Variants in CNTN4 observed in about 807,000 individuals in gnomAD.
The protein encoded by CNTN4 is contactin 4, also known as contactin-4.
In CNTN4, 77 loss-of-function variants were observed where a neutral mutation model predicts 122.5. The observed-to-expected ratio is 0.63, with a 90% CI of 0.52 to 0.76. The LOEUF (loss-of-function observed/expected upper bound fraction) is 0.76. CNTN4 is among the 30% of genes least tolerant of loss of function. CNTN4 has a pLI of 0.00. For missense variants in CNTN4, 1,256 were observed against 1,259.1 expected, an observed-to-expected ratio of 1.00 and a Z score of 0.04; for synonymous variants, 512 against 447.0, an observed-to-expected ratio of 1.15 and a Z score of -1.83.
intron 13 of CNTN4, among the ~76,000 whole-genome samples, chr3:2,984,419 G>A (rs948375962): frequency 1.3e-5 from 2 of 152,184 alleles, no homozygotes; most frequent in Non-Finnish European, 2.9e-5. Context: ...CATGACGTGG[G>A]GAAGGGTTAG....
At chr3:2,570,176 AT>A (rs934621361) in intron 3 of CNTN4, among the ~76,000 whole-genome samples, 24 of 148,324 alleles carry the variant, frequency 1.6e-4, no homozygotes, top group East Asian at 3.9e-4. Flanking sequence ...ACAGTGTTTA[AT>A]TTTTTTTTTT....
intron 14 of CNTN4, among the ~76,000 whole-genome samples, chr3:3,018,701 T>C (rs894480349): frequency 1.3e-5 from 2 of 152,180 alleles, no homozygotes; most frequent in African/African-American, 4.8e-5. Flanking sequence ...TATACACACA[T>C]AGATATTTCC....
At chr3:2,429,248 A>G (rs975245138) in intron 3 of CNTN4, among the ~76,000 whole-genome samples, 1 of 152,216 alleles carries the variant, frequency 6.6e-6, no homozygotes, top group Non-Finnish European at 1.5e-5. Flanking sequence ...GGTGACCTAC[A>G]GATGGGATTT....
chr3:2,622,523 C>T (rs1035725628), intron 4 of CNTN4, among the ~76,000 whole-genome samples: 3 of 152,028 alleles, frequency 2.0e-5, no homozygotes, highest in Admixed American at 2.0e-4. Context: ...CTCAGCCCAC[C>T]TCGGCCTCCC....
At chr3:2,735,039 C>T (rs188604941) in intron 4 of CNTN4, among the ~76,000 whole-genome samples, 2 of 152,182 alleles carry the variant, frequency 1.3e-5, no homozygotes, top group African/African-American at 4.8e-5. Flanking sequence ...GTTATATATA[C>T]CACTGTACTT....
At chr3:2,254,883 A>C (rs539181462) in intron 2 of CNTN4, among the ~76,000 whole-genome samples, 1 of 152,120 alleles carries the variant, frequency 6.6e-6, no homozygotes, top group Non-Finnish European at 1.5e-5. Flanking sequence ...GAAGCTCTTT[A>C]GTTTAATTAG....
chr3:2,192,670 T>C (rs1302364476), intron 2 of CNTN4, among the ~76,000 whole-genome samples: 2 of 152,134 alleles, frequency 1.3e-5, no homozygotes, highest in Admixed American at 6.6e-5. Flanking sequence ...TATGCAAAAT[T>C]CTACTTCTTG....
rs1056224622 is a variant in CNTN4, at chr3:2,885,080, A to G, written c.755+1833A>G. ...GAACTTAAATTCTTCTAAAACAAATATAGTAGAGTTGATGGCTTTAATGTT... is the reference window on the plus strand; with the variant it reads ...GAACTTAAATTCTTCTAAAACAAATGTAGTAGAGTTGATGGCTTTAATGTT... On this transcript the variant is annotated intron_variant, in intron 9 of 24. Coordinates refer to ENST00000418658, the MANE Select transcript of CNTN4 (RefSeq NM_175607.3). 1.6e-4 allele frequency among the ~76,000 whole-genome samples: 24 copies of G among 152,344 alleles called. 1 individual carries two copies. The East Asian group carries it at 4.6e-3, about 29-fold the overall frequency.
intron 4 of CNTN4, among the ~76,000 whole-genome samples, chr3:2,715,058 GGTTGT>G (rs1198201797): frequency 6.6e-6 from 1 of 152,136 alleles, no homozygotes; most frequent in East Asian, 1.9e-4. Flanking sequence ...CGTGTTTCAA[GGTTGT>G]TGATATCTCT....
chr3:2,209,465 T>C (rs568174892), intron 2 of CNTN4, among the ~76,000 whole-genome samples: 3 of 152,238 alleles, frequency 2.0e-5, no homozygotes, highest in African/African-American at 7.2e-5. Flanking sequence ...GTTCAAACAG[T>C]ATTCCATACC....
intron 6 of CNTN4, among the ~76,000 whole-genome samples, chr3:2,799,625 G>A (rs1220191881): frequency 6.6e-6 from 1 of 152,008 alleles, no homozygotes; most frequent in African/African-American, 2.4e-5. Context: ...ACCATGCCCG[G>A]CTAATTTTTG....
chr3:2,673,723 T>TA (rs1310285331), intron 4 of CNTN4, among the ~76,000 whole-genome samples: 1 of 152,018 alleles, frequency 6.6e-6, no homozygotes, highest in Admixed American at 6.6e-5. Flanking sequence ...TTTGCATTTT[T>TA]AGTAGAGACA....
chr3:2,358,747 C>T (rs940998739), intron 3 of CNTN4, among the ~76,000 whole-genome samples: 3 of 151,982 alleles, frequency 2.0e-5, no homozygotes, highest in Non-Finnish European at 4.4e-5. Context: ...TTATTAATGT[C>T]AATTTATTGG....
chr3:2,102,921 CTT>C (rs200757537), intron 2 of CNTN4, among the ~76,000 whole-genome samples: 3 of 143,184 alleles, frequency 2.1e-5, no homozygotes, highest in Admixed American at 7.0e-5. Flanking sequence ...CTAACCCTTG[CTT>C]TTTTTTTTTT....
intron 4 of CNTN4, among the ~76,000 whole-genome samples, chr3:2,603,552 A>T (rs1380963685): frequency 6.6e-6 from 1 of 152,220 alleles, no homozygotes; most frequent in African/African-American, 2.4e-5. Context: ...TAAGTAGAAG[A>T]AATTGTAGTT....
intron 13 of CNTN4, among the ~76,000 whole-genome samples, chr3:2,955,666 ATGCCAACATTTAG>A (rs1167825148): frequency 6.6e-6 from 1 of 152,204 alleles, no homozygotes; most frequent in Admixed American, 6.5e-5. Flanking sequence ...CCTGTGCTTC[ATGCCAACATTTAG>A]TAGTGGAGCC....
At chr3:2,965,387 A>T (rs1010886838) in intron 13 of CNTN4, among the ~76,000 whole-genome samples, 1 of 152,200 alleles carries the variant, frequency 6.6e-6, no homozygotes, top group Admixed American at 6.5e-5. Context: ...TGATGGAAAT[A>T]TTCTATGTCT....
At chr3:2,831,388 G>GTT (rs1182906531) in intron 7 of CNTN4, among the ~76,000 whole-genome samples, 1 of 152,178 alleles carries the variant, frequency 6.6e-6, no homozygotes, top group African/African-American at 2.4e-5. Context: ...TAAATACAAA[G>GTT]TTCCAAATGA....
intron 6 of CNTN4, among the ~76,000 whole-genome samples, chr3:2,748,591 C>T (rs1248885539): frequency 6.6e-6 from 1 of 152,144 alleles, no homozygotes; most frequent in Admixed American, 6.6e-5. Flanking sequence ...ATTATTTGGA[C>T]ACTCTTGTTC....
Sources: allele counts gnomAD v4.1 joint callset (sites outside exome capture counted in the v4.1 genomes callset), GRCh38; gene constraint gnomAD v4.1.1; transcripts MANE v1.5; gene names NCBI Gene and HGNC (gene_info 2026-07-23, HGNC 2026-07-21).